The following FLOT2 variants were observed in gnomAD, a reference collection of about 807,000 sequenced individuals.
The protein encoded by FLOT2 is flotillin 2, also known as flotillin-2.
FLOT2 carries 35 observed loss-of-function variants against 54.9 expected under a neutral mutation model. That is an observed-to-expected ratio of 0.64 (90% CI 0.49 to 0.84). The LOEUF is 0.84. Ranked by LOEUF, FLOT2 falls within the 40% of genes least tolerant of loss-of-function variation. FLOT2 has a pLI of 0.00. For synonymous variants in FLOT2, 207 were observed against 228.9 expected (o/e 0.90, Z 0.86); for missense variants, 464 against 572.1 (o/e 0.81, Z 1.93).
intron 9 of FLOT2, 129 bp from the exon 10 acceptor site, chr17:28,880,991 C>A: frequency 7.8e-7 from 1 of 1,274,532 alleles, no homozygotes; most frequent in Non-Finnish European, 1.1e-6. Flanking sequence ...TAGTCTCGAG[C>A]CATGGTAAGA....
chr17:28,881,262 A>G lies in FLOT2; in HGVS notation c.1028T>C (p.Leu343Pro), dbSNP rs1392767845. 6.2e-7 allele frequency: 1 copy of G among 1,614,156 alleles called. No individual in the cohort carries two copies. The highest frequency in any genetic ancestry group is 8.5e-7 in the Non-Finnish European group (1 of 1,180,036). The part of the protein sequence containing the change: ...MGKAEAERMK[L>P]KAEAYQKYGD... ...GTATTTCTGGTAGGCTTCTGCCTTGAGCTTCATCCGCTCAGCCTCTGCCTT... is the reference window on the plus strand; with the variant it reads ...GTATTTCTGGTAGGCTTCTGCCTTGGGCTTCATCCGCTCAGCCTCTGCCTT... Residue 343 changes from leucine to proline, a missense_variant, in exon 9 of 11, where the codon CTC (leucine) becomes CCC (proline). Physicochemically the swap from Leu to Pro is moderately conservative, Grantham distance 98. Coordinates refer to ENST00000394908, the MANE Select transcript of FLOT2 (RefSeq NM_004475.3).
Position 28,889,096 on chromosome 17 carries a change from G to C in FLOT2, c.50-70C>G, listed in dbSNP as rs1206686867. On this transcript the variant is annotated intron_variant, in intron 1 of 10. Coordinates refer to ENST00000394908, the MANE Select transcript of FLOT2 (RefSeq NM_004475.3). ...CTGTCTACCCTCCAGCCCACTGATA[G>C]CAACTTTTGTCCTTTACCTGCTCTG... The C allele has an allele frequency of 3.0e-6, 4 of 1,336,780 alleles. No homozygotes were observed. The East Asian group carries it at 9.5e-5, about 32-fold the overall frequency. The allele number at this position is 1,336,780 out of a possible 1,614,324, so 82.8% of individuals were successfully genotyped here.
chr17:28,894,875 T>C (rs2039716562), intron 1 of FLOT2, among the ~76,000 whole-genome samples: 2 of 150,814 alleles, frequency 1.3e-5, no homozygotes, highest in Non-Finnish European at 1.5e-5. Context: ...AATCCAGCAA[T>C]GCCTAAGGAC....
At chr17:28,896,612 G>A (rs1330255759) in intron 1 of FLOT2, among the ~76,000 whole-genome samples, 1 of 152,206 alleles carries the variant, frequency 6.6e-6, no homozygotes, top group Non-Finnish European at 1.5e-5. Context: ...GTTGGCAGCT[G>A]TGAGGCCTGG....
At chr17:28,888,900 C>CAGA in intron 2 of FLOT2, 45 bp downstream of exon 2, 3 of 1,483,670 alleles carry the variant, frequency 2.0e-6, no homozygotes, top group Non-Finnish European at 1.9e-6. Context: ...GCCCCTCTCT[C>CAGA]CCTGGCCCAC....
intron 1 of FLOT2, among the ~76,000 whole-genome samples, chr17:28,891,638 G>A (rs2039653167): frequency 6.6e-6 from 1 of 152,212 alleles, no homozygotes; most frequent in Non-Finnish European, 1.5e-5. Flanking sequence ...TGACTGTTGT[G>A]CACTTCAAAT....
In FLOT2 at chr17:28,883,827, G is replaced by T. The variant is rs1264817548; in HGVS notation, c.222+398C>A. Among the ~76,000 whole-genome samples, 2 of 151,796 alleles carry T rather than the reference G, an allele frequency of 1.3e-5. No homozygotes were observed. Among genetic ancestry groups the T allele is most frequent in the Non-Finnish European group, 2.9e-5 (2 of 67,926 alleles). Reference sequence around the variant, plus strand: ...TGCAGCCTCCGACTCCCAGAGTCCAGAGCTCCTCTGCCTCACATGGCCTCT... The same window carrying T: ...TGCAGCCTCCGACTCCCAGAGTCCATAGCTCCTCTGCCTCACATGGCCTCT... On this transcript the variant is annotated intron_variant, in intron 3 of 10. Transcript: ENST00000394908. The surrounding 1 kb of genome is among the most constrained non-coding windows in gnomAD (Gnocchi z 5.0).
In FLOT2 at chr17:28,880,416, C is replaced by A; in HGVS notation, c.*145G>T. On this transcript the variant is annotated 3_prime_UTR_variant, in exon 11 of 11. Transcript: ENST00000394908. ...ACAGACAGGAGAGACAGGAAGACAGCCAGAGATGGCCTGAACACGCAGCAC... is the reference window on the plus strand; with the variant it reads ...ACAGACAGGAGAGACAGGAAGACAGACAGAGATGGCCTGAACACGCAGCAC... 1 of 1,499,420 alleles carries A rather than the reference C, an allele frequency of 6.7e-7. No homozygotes were observed. The highest frequency in any genetic ancestry group is 1.4e-5 in the South Asian group (1 of 72,668). The allele number at this position is 1,499,420 out of a possible 1,614,324, so 92.9% of individuals were successfully genotyped here. A position where few individuals can be genotyped will look rare whatever the true frequency, so the allele number is the denominator to read the frequency against.
chr17:28,889,690 A>C (rs1396576347), intron 1 of FLOT2, among the ~76,000 whole-genome samples: 2 of 150,960 alleles, frequency 1.3e-5, no homozygotes, highest in African/African-American at 4.9e-5. Flanking sequence ...CCCAGGCTGG[A>C]GTGCAGTGGC....
In FLOT2 at chr17:28,897,523, C is replaced by T. The variant is rs761623254; in HGVS notation, c.49+3G>A. ...GCTCCCACCTTCCTCGCCGCCCCCTCACCTGAAACCACCAGCGCCTCGTTG... is the reference window on the plus strand; with the variant it reads ...GCTCCCACCTTCCTCGCCGCCCCCTTACCTGAAACCACCAGCGCCTCGTTG... On this transcript the variant is annotated splice_donor_region_variant and intron_variant, in intron 1 of 10. Coordinates refer to ENST00000394908, the MANE Select transcript of FLOT2 (RefSeq NM_004475.3). The surrounding 1 kb of genome is among the most constrained non-coding windows in gnomAD (Gnocchi z 4.4). 27 of 1,605,350 alleles carry T rather than the reference C, an allele frequency of 1.7e-5. No individual in the cohort carries two copies. The highest frequency in any genetic ancestry group is 2.2e-5 in the South Asian group (2 of 89,808).
Position 28,897,662 on chromosome 17 carries a change from C to G in FLOT2, c.-88G>C. ...AGCGCCGGCCGCGCCCAGCCTATCC[C>G]GCCACCCCCAGCGGCCGGCCGCCCG... On this transcript the variant is annotated 5_prime_UTR_variant, in exon 1 of 11. Transcript: ENST00000394908. This position sits in a 1 kb window ranked among gnomAD's most constrained non-coding sequence, Gnocchi z 4.4. 8.4e-7 allele frequency: 1 copy of G among 1,185,564 alleles called. No individual in the cohort carries two copies. Among genetic ancestry groups the G allele is most frequent in the Non-Finnish European group, 1.1e-6 (1 of 925,222 alleles). 73.4% of individuals were successfully genotyped at this position (1,185,564 alleles called of 1,614,324 possible). A position where few individuals can be genotyped will look rare whatever the true frequency, so the allele number is the denominator to read the frequency against.
chr17:28,882,998 T>C lies in FLOT2; in HGVS notation c.346+110A>G. 8.7e-7 allele frequency: 1 copy of C among 1,148,868 alleles called. No homozygotes were observed. Among genetic ancestry groups the C allele is most frequent in the Non-Finnish European group, 1.2e-6 (1 of 802,670 alleles). The allele number at this position is 1,148,868 out of a possible 1,614,324, so 71.2% of individuals were successfully genotyped here. On this transcript the variant is annotated intron_variant, in intron 4 of 10. Transcript: ENST00000394908. The surrounding 1 kb of genome is among the most constrained non-coding windows in gnomAD (Gnocchi z 5.6). The stretch of plus-strand genomic sequence containing the variant: ...TTGAAATTAAATATTTGAGGAAAAG[T>C]GTTTTAGCTTGAAACTCCTGTGAAA...
In FLOT2 at chr17:28,881,796, C is replaced by T. The variant is rs774590573; in HGVS notation, c.914+18G>A. 6.2e-7 allele frequency: 1 copy of T among 1,610,710 alleles called. No homozygotes were observed. Among genetic ancestry groups the T allele is most frequent in the Non-Finnish European group, 8.5e-7 (1 of 1,179,266 alleles). On this transcript the variant is annotated intron_variant, in intron 8 of 10. Coordinates refer to ENST00000394908, the MANE Select transcript of FLOT2 (RefSeq NM_004475.3). ...GAGCCTGACTAAGCCCTGACCCCGG[C>T]ACCTGGGCGGCTCTCACTTTTCACC...
chr17:28,880,675 T>C (rs1330357153), intron 10 of FLOT2, 38 bp downstream of exon 10: 1 of 1,613,854 alleles, frequency 6.2e-7, no homozygotes, highest in African/African-American at 1.3e-5. Flanking sequence ...TCCGACGGGC[T>C]ACCTGGGCAA....
At position 28,883,759 on chromosome 17, in the gene FLOT2, C is replaced by T. The variant is rs375227209; in HGVS notation, c.222+466G>A. ...TGCCCTGTGAAGCCAAGAGGTGGAT[C>T]GGGGCAGGAAGCCCTCACCTAGGCC... On this transcript the variant is annotated intron_variant, in intron 3 of 10. Transcript: ENST00000394908. This position sits in a 1 kb window ranked among gnomAD's most constrained non-coding sequence, Gnocchi z 5.0. 5.5e-4 allele frequency among the ~76,000 whole-genome samples: 84 copies of T among 152,200 alleles called. No individual in the cohort carries two copies. The South Asian group carries it at 0.011, about 20-fold the overall frequency.
At position 28,897,046 on chromosome 17, in the gene FLOT2, T is replaced by G. The variant is rs1424292465; in HGVS notation, c.49+480A>C. ...AATCCCCAACAAGCCCCAGCCTGCTTGGAATTAACGGGTCTGACTGTGCCG... is the reference window on the plus strand; with the variant it reads ...AATCCCCAACAAGCCCCAGCCTGCTGGGAATTAACGGGTCTGACTGTGCCG... On this transcript the variant is annotated intron_variant, in intron 1 of 10. Coordinates refer to ENST00000394908, the MANE Select transcript of FLOT2 (RefSeq NM_004475.3). The surrounding 1 kb of genome is among the most constrained non-coding windows in gnomAD (Gnocchi z 4.4). 6.6e-6 allele frequency among the ~76,000 whole-genome samples: 1 copy of G among 152,160 alleles called. No individual in the cohort carries two copies. Among genetic ancestry groups the G allele is most frequent in the Non-Finnish European group, 1.5e-5 (1 of 68,022 alleles).
At chr17:28,891,129 C>T (rs2039644270) in intron 1 of FLOT2, among the ~76,000 whole-genome samples, 1 of 152,180 alleles carries the variant, frequency 6.6e-6, no homozygotes, top group Non-Finnish European at 1.5e-5. Context: ...GATCCACATG[C>T]GTTGGCCTCT....
chr17:28,892,295 T>C (rs1435661140), intron 1 of FLOT2, among the ~76,000 whole-genome samples: 1 of 103,558 alleles, frequency 9.7e-6, no homozygotes, highest in Non-Finnish European at 1.9e-5. Context: ...AGTGGGAAGG[T>C]GGTAGTGGTG....
chr17:28,880,918 G>A (rs540002307), intron 9 of FLOT2, 56 bp from the exon 10 acceptor site: 39 of 1,595,500 alleles, frequency 2.4e-5, no homozygotes, highest in African/African-American at 8.0e-5. Context: ...TTCTCAGCCC[G>A]GTCCAGCATC....
Sources: allele counts gnomAD v4.1 joint callset (sites outside exome capture counted in the v4.1 genomes callset), GRCh38; gene constraint gnomAD v4.1.1; non-coding constraint Gnocchi (gnomAD v3.1); transcripts MANE v1.5; gene names NCBI Gene and HGNC (gene_info 2026-07-23, HGNC 2026-07-21).